Variants in GRIN3B observed in about 807,000 individuals in gnomAD.
GRIN3B encodes glutamate ionotropic receptor NMDA type subunit 3B.
In GRIN3B, 77 loss-of-function variants were observed where a neutral mutation model predicts 66.0. That is an observed-to-expected ratio of 1.17 (90% CI 0.97 to 1.41). The LOEUF is 1.41. GRIN3B is among the 40% of genes most tolerant of loss of function. The probability of loss-of-function intolerance (pLI) is 0.00; values close to 1 mark genes in which losing one functional copy is unlikely to be tolerated. For synonymous variants in GRIN3B, 823 were observed against 749.7 expected (o/e 1.10, Z -1.60); for missense variants, 1,787 against 1,564.5 (o/e 1.14, Z -2.40).
Position 1,007,217 on chromosome 19 carries a change from T to G in GRIN3B, c.2053-411T>G, listed in dbSNP as rs971683025. ...CAGAGGCAGTGACGACAGAGCTGCC[T>G]CCGCCTGGGGTGGGAAGAGCGAGTG... On this transcript the variant is annotated intron_variant, in intron 3 of 8. Transcript: ENST00000234389. The surrounding 1 kb of genome is among the most constrained non-coding windows in gnomAD (Gnocchi z 4.4). 1.3e-5 allele frequency among the ~76,000 whole-genome samples: 2 copies of G among 151,976 alleles called. No homozygotes were observed. The highest frequency in any genetic ancestry group is 2.9e-5 in the Non-Finnish European group (2 of 67,970).
Position 1,003,395 on chromosome 19 carries a change from C to A in GRIN3B, c.692C>A (p.Pro231Gln). ...GCGGCGCCAGTGGGGGGTGAAGCAC[C>A]GGTACCCGCGGCGGTCCTCCTCGGC... ...PMAAPVGGEAPVPAAVLLGCD... is the reference protein window; with the variant it reads ...PMAAPVGGEAQVPAAVLLGCD... Residue 231 changes from proline to glutamine, a missense_variant, in exon 2 of 9, where the codon CCG becomes CAG. Transcript: ENST00000234389. 6.4e-7 allele frequency: 1 copy of A among 1,556,728 alleles called. No individual in the cohort carries two copies. Among genetic ancestry groups the A allele is most frequent in the Non-Finnish European group, 8.6e-7 (1 of 1,156,696 alleles).
chr19:1,003,160 A>T lies in GRIN3B; in HGVS notation c.457A>T (p.Ser153Cys). The T allele has an allele frequency of 6.8e-7, 1 of 1,480,944 alleles. No individual in the cohort carries two copies. 91.7% of individuals were successfully genotyped at this position (1,480,944 alleles called of 1,614,324 possible). A position where few individuals can be genotyped will look rare whatever the true frequency, so the allele number is the denominator to read the frequency against. Reference protein sequence around the residue: ...NPFHLQLHWASPLETLLDVLV... With the variant: ...NPFHLQLHWACPLETLLDVLV... ...ATTCCACCTGCAGCTGCACTGGGCC[A>T]GCCCCCTGGAGACGCTGCTGGATGT... The change falls in exon 2 of 9, where the codon AGC becomes TGC. Residue 153 changes from serine to cysteine, a missense_variant. Ser to Cys is a moderately radical substitution (Grantham distance 112). Transcript: ENST00000234389.
At position 1,008,670 on chromosome 19, in the gene GRIN3B, T is replaced by C. The variant is rs747060351; in HGVS notation, c.2519T>C (p.Leu840Pro). The C allele has an allele frequency of 7.5e-6, 12 of 1,605,218 alleles. No individual in the cohort carries two copies. Among genetic ancestry groups the C allele is most frequent in the Middle Eastern group, 1.7e-4 (1 of 6,050 alleles). Reference sequence around the variant, plus strand: ...GCGGGCCTCTTCGTGTTGCTGTGCCTGGGCCTGGGCAGCGCTCTGCTCAGC... The same window carrying C: ...GCGGGCCTCTTCGTGTTGCTGTGCCCGGGCCTGGGCAGCGCTCTGCTCAGC... ...HFAGLFVLLC[L>P]GLGSALLSSL... The change falls in exon 7 of 9, where the codon CTG becomes CCG. Residue 840 changes from leucine to proline, a missense_variant. Physicochemically the swap from Leu to Pro is moderately conservative, Grantham distance 98. Transcript: ENST00000234389.
chr19:1,002,321 C>T (rs1337576721), intron 1 of GRIN3B, among the ~76,000 whole-genome samples: 4 of 139,702 alleles, frequency 2.9e-5, no homozygotes, highest in African/African-American at 1.1e-4. Context: ...AGATCGAGAC[C>T]ATCCTGGCTA....
rs2038812867 is a variant in GRIN3B at position 1,009,326 on chromosome 19, G to GGAGGCT, written c.2858_2863dup (p.Glu953_Ala954dup). The GGAGGCT allele has an allele frequency of 7.1e-7, 1 of 1,401,920 alleles. No homozygotes were observed. Among genetic ancestry groups the GGAGGCT allele is most frequent in the Non-Finnish European group, 9.2e-7 (1 of 1,087,718 alleles). 86.8% of individuals were successfully genotyped at this position (1,401,920 alleles called of 1,614,324 possible). ...TGGCACCCGAAGCGGACGCGGAGGCGGAGGCTGCGCCGCGAGAGGGCCCCG... is the reference window on the plus strand; with the variant it reads ...TGGCACCCGAAGCGGACGCGGAGGCGGAGGCTGAGGCTGCGCCGCGAGAGGGCCCCG... On this transcript the variant is annotated inframe_insertion, in exon 9 of 9. Coordinates refer to ENST00000234389, the MANE Select transcript of GRIN3B (RefSeq NM_138690.3).
rs760240887 is a variant in GRIN3B, at chr19:1,007,862, C to T, written c.2205C>T (p.Asp735=). 9 of 1,605,738 alleles carry T rather than the reference C, an allele frequency of 5.6e-6. No homozygotes were observed. The highest frequency in any genetic ancestry group is 7.7e-6 in the Non-Finnish European group (9 of 1,175,566). Residue 735 remains aspartate (D), a synonymous_variant, in exon 5 of 9, where the codon GAC becomes GAT. Coordinates refer to ENST00000234389, the MANE Select transcript of GRIN3B (RefSeq NM_138690.3). The surrounding 1 kb of genome is among the most constrained non-coding windows in gnomAD (Gnocchi z 4.4). ...CCGCCCCCGGCCCCAGCAGGAGCGACCCCCCCAAGCTCAACGCCTTCATCA... is the reference window on the plus strand; with the variant it reads ...CCGCCCCCGGCCCCAGCAGGAGCGATCCCCCCAAGCTCAACGCCTTCATCA... ...TPRGVAMLTS[D]PPKLNAFIMD...
Position 1,009,561 on chromosome 19 carries a change from GAGGCCCCACCACACTCTGGC to G in GRIN3B, c.3092_3111del (p.Glu1031AlafsTer43). On this transcript the variant is annotated frameshift_variant, in exon 9 of 9. Coordinates refer to ENST00000234389, the MANE Select transcript of GRIN3B (RefSeq NM_138690.3). LOFTEE classifies it low-confidence loss of function (END_TRUNC). Reference sequence around the variant, plus strand: ...GCTTCAGGCCAGAGCGGCCCCCGCGGAGGCCCCACCACACTCTGGCCGACCGGGGAGCCAGGAATGAGGCG... The same window carrying G: ...GCTTCAGGCCAGAGCGGCCCCCGCGGCGACCGGGGAGCCAGGAATGAGGCG... 1 of 895,726 alleles carries G rather than the reference GAGGCCCCACCACACTCTGGC, an allele frequency of 1.1e-6. No individual in the cohort carries two copies. The highest frequency in any genetic ancestry group is 1.5e-6 in the Non-Finnish European group (1 of 661,956). The allele number at this position is 895,726 out of a possible 1,614,324, so 55.5% of individuals were successfully genotyped here. A position where few individuals can be genotyped will look rare whatever the true frequency, so the allele number is the denominator to read the frequency against.
At chr19:1,006,630 C>G (rs896152107) in intron 3 of GRIN3B, among the ~76,000 whole-genome samples, 58 of 152,124 alleles carry the variant, frequency 3.8e-4, no homozygotes, top group Non-Finnish European at 1.5e-4. Context: ...TTGGCAAAGT[C>G]GGGTTTTCTG....
Position 1,009,542 on chromosome 19 carries a change from G to C in GRIN3B, c.3072G>C (p.Gln1024His), listed in dbSNP as rs1407943641. ...SARHRPRRLL[Q>H]ARAAPAEAPP... is the part of the protein sequence containing the mutation. Reference sequence around the variant, plus strand: ...GTCACCGGCCTCGGCGCTTGCTTCAGGCCAGAGCGGCCCCCGCGGAGGCCC... The same window carrying C: ...GTCACCGGCCTCGGCGCTTGCTTCACGCCAGAGCGGCCCCCGCGGAGGCCC... The change falls in exon 9 of 9, where the codon CAG becomes CAC. Residue 1024 changes from glutamine (Q) to histidine (H), a missense_variant. Transcript: ENST00000234389. The C allele has an allele frequency of 1.2e-5, 17 of 1,477,698 alleles. No individual in the cohort carries two copies. The East Asian group carries it at 3.0e-4, about 26-fold the overall frequency. The allele number at this position is 1,477,698 out of a possible 1,614,324, so 91.5% of individuals were successfully genotyped here. A position where few individuals can be genotyped will look rare whatever the true frequency, so the allele number is the denominator to read the frequency against.
chr19:1,005,059 C>A lies in GRIN3B; in HGVS notation c.1558C>A (p.Leu520Met). The change falls in exon 3 of 9, where the codon CTG (leucine) becomes ATG (methionine). Residue 520 changes from leucine (L) to methionine (M), a missense_variant. By Grantham distance (15) the Leu-to-Met change is conservative. Transcript: ENST00000234389. The surrounding 1 kb of genome is among the most constrained non-coding windows in gnomAD (Gnocchi z 5.2). ...DGRWTGLVGD[L>M]LAGRAHMAVT... is the part of the protein sequence containing the mutation. ...CCGCTGGACCGGCCTGGTCGGGGACCTGCTGGCCGGCCGGGCCCACATGGC... is the reference window on the plus strand; with the variant it reads ...CCGCTGGACCGGCCTGGTCGGGGACATGCTGGCCGGCCGGGCCCACATGGC... 1 of 1,611,418 alleles carries A rather than the reference C, an allele frequency of 6.2e-7. No individual in the cohort carries two copies. The highest frequency in any genetic ancestry group is 8.5e-7 in the Non-Finnish European group (1 of 1,179,026).
chr19:1,008,446 G>A (rs2038786765), intron 6 of GRIN3B, among the ~76,000 whole-genome samples, 155 bp downstream of exon 6: 1 of 152,102 alleles, frequency 6.6e-6, no homozygotes, highest in Admixed American at 6.6e-5. Context: ...CGGCTGCAGT[G>A]CCCCTTCCTC....
Position 1,005,209 on chromosome 19 carries a change from A to G in GRIN3B, c.1708A>G (p.Met570Val), listed in dbSNP as rs1236837550. Residue 570 changes from methionine to valine, a missense_variant, in exon 3 of 9, where the codon ATG becomes GTG. Transcript: ENST00000234389. The surrounding 1 kb of genome is among the most constrained non-coding windows in gnomAD (Gnocchi z 5.2). ...CACGGCCTCACCCATCGGTGCCTTT[A>G]TGTGGCCCCTGCACTGGTCCACGTG... is the stretch of plus-strand genomic sequence containing the variant. Reference protein sequence around the residue: ...RDTASPIGAFMWPLHWSTWLG... With the variant: ...RDTASPIGAFVWPLHWSTWLG... 2 of 1,613,168 alleles carry G rather than the reference A, an allele frequency of 1.2e-6. No individual in the cohort carries two copies. The highest frequency in any genetic ancestry group is 8.5e-7 in the Non-Finnish European group (1 of 1,179,892).
rs564886991 is a variant in GRIN3B at position 1,009,095 on chromosome 19, C to T, written c.2703-78C>T. 47 of 1,445,180 alleles carry T rather than the reference C, an allele frequency of 3.3e-5. No homozygotes were observed. In the African/African-American group the frequency reaches 4.3e-4, roughly 13 times the overall value. The allele number at this position is 1,445,180 out of a possible 1,614,324, so 89.5% of individuals were successfully genotyped here. On this transcript the variant is annotated intron_variant, in intron 8 of 8. Transcript: ENST00000234389. Reference sequence around the variant, plus strand: ...GTTGTGCCTGTCGGCCATCCTCTGCCGTCAGCGGCCTCTGCAGAGGCCCAG... The same window carrying T: ...GTTGTGCCTGTCGGCCATCCTCTGCTGTCAGCGGCCTCTGCAGAGGCCCAG...
In GRIN3B at chr19:1,008,719, C is replaced by T. The variant is rs371543984; in HGVS notation, c.2568C>T (p.Phe856=). ...GCTCGCTGGGCGAGCACGCCTTCTT[C>T]CGCCTGGCGCTGCCGCGCATCCGCA... ...LLSSLGEHAF[F]RLALPRIRKG... Residue 856 remains phenylalanine, a synonymous_variant, in exon 7 of 9, where the codon TTC becomes TTT. Transcript: ENST00000234389. 3.5e-5 allele frequency: 56 copies of T among 1,608,602 alleles called. No homozygotes were observed. Among genetic ancestry groups the T allele is most frequent in the Non-Finnish European group, 4.6e-5 (54 of 1,179,158 alleles).
At chr19:1,002,110 C>T (rs2038689596) in intron 1 of GRIN3B, 1 of 152,306 alleles carries the variant, frequency 6.6e-6, no homozygotes, top group African/African-American at 2.4e-5. Flanking sequence ...GGGAGGACAG[C>T]TTGAGCTCAG....
Position 1,007,613 on chromosome 19 carries a change from G to A in GRIN3B, c.2053-15G>A. 6.7e-7 allele frequency: 1 copy of A among 1,482,350 alleles called. No individual in the cohort carries two copies. The highest frequency in any genetic ancestry group is 8.9e-7 in the Non-Finnish European group (1 of 1,119,292). 91.8% of individuals were successfully genotyped at this position (1,482,350 alleles called of 1,614,324 possible). On this transcript the variant is annotated splice_polypyrimidine_tract_variant and intron_variant, in intron 3 of 8. Coordinates refer to ENST00000234389, the MANE Select transcript of GRIN3B (RefSeq NM_138690.3). The surrounding 1 kb of genome is among the most constrained non-coding windows in gnomAD (Gnocchi z 4.4). ...TGAGGGGCAGGCAGAGGCGCTGACGGGGTCCCCCGCGCAGCTGCACCACCC... is the reference window on the plus strand; with the variant it reads ...TGAGGGGCAGGCAGAGGCGCTGACGAGGTCCCCCGCGCAGCTGCACCACCC...
rs761685025 is a variant in GRIN3B, at chr19:1,009,474, G to C, written c.3004G>C (p.Val1002Leu). 3.4e-6 allele frequency: 5 copies of C among 1,486,482 alleles called. No homozygotes were observed. Among genetic ancestry groups the C allele is most frequent in the Non-Finnish European group, 4.4e-6 (5 of 1,125,182 alleles). 92.1% of individuals were successfully genotyped at this position (1,486,482 alleles called of 1,614,324 possible). Reference protein sequence around the residue: ...VARERLRQALVRRGQLLAQLG... With the variant: ...VARERLRQALLRRGQLLAQLG... ...GCGTGAGCGGCTCCGCCAGGCCCTG[G>C]TGCGGCGCGGCCAGCTCCTGGCACA... is the stretch of plus-strand genomic sequence containing the variant. The change falls in exon 9 of 9, where the codon GTG (valine) becomes CTG (leucine). Residue 1002 changes from valine to leucine, a missense_variant. Physicochemically the swap from Val to Leu is conservative, Grantham distance 32. Transcript: ENST00000234389.
chr19:1,007,942 T>G lies in GRIN3B; in HGVS notation c.2285T>G (p.Leu762Arg), dbSNP rs1450072601. 12 of 1,612,128 alleles carry G rather than the reference T, an allele frequency of 7.4e-6. No individual in the cohort carries two copies. The highest frequency in any genetic ancestry group is 3.3e-5 in the Admixed American group (2 of 60,000). Residue 762 changes from leucine to arginine, a missense_variant, in exon 5 of 9, where the codon CTG becomes CGG. By Grantham distance (102) the Leu-to-Arg change is moderately radical. Coordinates refer to ENST00000234389, the MANE Select transcript of GRIN3B (RefSeq NM_138690.3). The surrounding 1 kb of genome is among the most constrained non-coding windows in gnomAD (Gnocchi z 4.4). ...TCCATCGACGCCGACTGCAAACTGC[T>G]GACCGTGGGAAAGCCCTTCGCCATT... The part of the protein sequence containing the change: ...EVSIDADCKL[L>R]TVGKPFAIEG...
intron 3 of GRIN3B, among the ~76,000 whole-genome samples, chr19:1,006,474 G>A (rs559856763): frequency 2.0e-5 from 3 of 151,108 alleles, no homozygotes; most frequent in Non-Finnish European, 4.4e-5. Flanking sequence ...TTGAGACAGA[G>A]TCTCACTCTT....
Sources: gnomAD v4.1 joint callset for allele counts (sites outside exome capture counted in the v4.1 genomes callset) on GRCh38, gnomAD v4.1.1 for gene constraint, Gnocchi (gnomAD v3.1) non-coding constraint, MANE v1.5 for transcripts, NCBI Gene and HGNC (gene_info 2026-07-23, HGNC 2026-07-21) for gene names.